MTHFD2L: variants seen among roughly 807,000 people sequenced by gnomAD.
The protein encoded by MTHFD2L is methylenetetrahydrofolate dehydrogenase (NADP+ dependent) 2 like.
Under a neutral mutation model 34.9 loss-of-function variants are expected in MTHFD2L, and 29 were observed. The ratio of observed to expected loss-of-function variants is 0.83; its 90% confidence interval spans 0.62 to 1.13. MTHFD2L has a LOEUF of 1.13. MTHFD2L is among the 50% of genes most tolerant of loss of function. MTHFD2L has a pLI of 0.00. For synonymous variants in MTHFD2L, 167 were observed against 155.7 expected, an observed-to-expected ratio of 1.07 and a Z score of -0.54; for missense variants, 481 against 446.5, an observed-to-expected ratio of 1.08 and a Z score of -0.70.
chr4:74,214,673 G>C (rs1329986675), intron 5 of MTHFD2L, among the ~76,000 whole-genome samples: 1 of 151,830 alleles, frequency 6.6e-6, no homozygotes, highest in Non-Finnish European at 1.5e-5. Flanking sequence ...CTCCCAGTCA[G>C]GAGGCACAGG....
chr4:74,290,646 G>A (rs1748767551), intron 7 of MTHFD2L, among the ~76,000 whole-genome samples: 1 of 152,056 alleles, frequency 6.6e-6, no homozygotes, highest in Non-Finnish European at 1.5e-5. Flanking sequence ...AAGACTGTGT[G>A]TGTGTGTGTG....
intron 6 of MTHFD2L, among the ~76,000 whole-genome samples, chr4:74,251,948 G>T (rs1277977559): frequency 6.6e-6 from 1 of 152,204 alleles, no homozygotes; most frequent in Non-Finnish European, 1.5e-5. Flanking sequence ...AATGAGTTCG[G>T]AACACCCTGA....
At chr4:74,115,856 C>A (rs778214894) in intron 2 of MTHFD2L, among the ~76,000 whole-genome samples, 7 of 152,164 alleles carry the variant, frequency 4.6e-5, no homozygotes, top group Non-Finnish European at 7.3e-5. Context: ...GTTTGTCGTG[C>A]TACTACAGGT....
intron 7 of MTHFD2L, among the ~76,000 whole-genome samples, chr4:74,290,998 CTTTTCTTTTTTTTTTTTTT>C (rs1748840231): frequency 2.2e-5 from 1 of 46,156 alleles, no homozygotes; most frequent in African/African-American, 6.7e-5. Context: ...TTTATTTTTC[CTTTTCTTTTTTTTTTTTTT>C]TTTTTTTTTT....
chr4:74,172,829 G>A (rs1034725068), intron 1 of MTHFD2L, among the ~76,000 whole-genome samples: 2 of 152,142 alleles, frequency 1.3e-5, no homozygotes, highest in African/African-American at 4.8e-5. Flanking sequence ...TGGAAGACTG[G>A]TGCCATGCTA....
intron 7 of MTHFD2L, among the ~76,000 whole-genome samples, chr4:74,297,211 T>G (rs1483714464): frequency 1.3e-5 from 2 of 152,102 alleles, no homozygotes; most frequent in Non-Finnish European, 2.9e-5. Context: ...AGGAACTTAC[T>G]TTAAACATTT....
intron 7 of MTHFD2L, among the ~76,000 whole-genome samples, chr4:74,283,475 G>C (rs1454130165): frequency 6.6e-6 from 1 of 152,064 alleles, no homozygotes; most frequent in Non-Finnish European, 1.5e-5. Flanking sequence ...AGATGGAAAA[G>C]AGACAAAGAT....
rs974475661 is a variant in MTHFD2L, at chr4:74,177,164, G to GA, written c.451+1769dup. Among the ~76,000 whole-genome samples the GA allele has an allele frequency of 2.0e-5, 3 of 151,584 alleles. No homozygotes were observed. The South Asian group carries it at 6.2e-4, about 32-fold the overall frequency. ...ATAGTATCACTTACCTTTAAAACTAGAAAAAAAATTCAACACGTGCAGCAC... is the reference window on the plus strand; with the variant it reads ...ATAGTATCACTTACCTTTAAAACTAGAAAAAAAAATTCAACACGTGCAGCAC... On this transcript the variant is annotated intron_variant, in intron 3 of 7. Transcript: ENST00000325278.
At chr4:74,282,882 C>G (rs1262292687) in intron 7 of MTHFD2L, among the ~76,000 whole-genome samples, 1 of 152,092 alleles carries the variant, frequency 6.6e-6, no homozygotes, top group Admixed American at 6.6e-5. Context: ...ATGCTGAAAT[C>G]ACTAGGGAAT....
intron 6 of MTHFD2L, among the ~76,000 whole-genome samples, chr4:74,275,423 T>C (rs1746486710): frequency 6.6e-6 from 1 of 152,182 alleles, no homozygotes; most frequent in South Asian, 2.1e-4. Flanking sequence ...GCATGTGTCT[T>C]TATGATAGAA....
intron 7 of MTHFD2L, among the ~76,000 whole-genome samples, chr4:74,286,376 T>G (rs1748172332): frequency 6.6e-6 from 1 of 152,190 alleles, no homozygotes; most frequent in South Asian, 2.1e-4. Flanking sequence ...GTATACCTAC[T>G]TTCACAGGCA....
intron 1 of MTHFD2L, among the ~76,000 whole-genome samples, chr4:74,142,080 A>G (rs1244641007): frequency 3.3e-5 from 5 of 152,232 alleles, no homozygotes; most frequent in Non-Finnish European, 1.5e-5. Flanking sequence ...CGATTCTCCT[A>G]TGAAAAACTC....
chr4:74,271,442 T>G (rs59172186), intron 6 of MTHFD2L, among the ~76,000 whole-genome samples: 6,384 of 152,208 alleles, frequency 0.042, 386 homozygotes, highest in African/African-American at 0.14. Flanking sequence ...TTTCCCCATT[T>G]CTTGTTTTTG....
intron 1 of MTHFD2L, among the ~76,000 whole-genome samples, chr4:74,150,255 G>T (rs1345162200): frequency 2.0e-5 from 3 of 152,124 alleles, no homozygotes; most frequent in African/African-American, 7.2e-5. Flanking sequence ...AGTTTTTGTT[G>T]TTGTTGTTTG....
At chr4:74,191,365 T>G (rs547483528) in intron 3 of MTHFD2L, among the ~76,000 whole-genome samples, 9 of 119,230 alleles carry the variant, frequency 7.5e-5, no homozygotes, top group Middle Eastern at 3.9e-3. Context: ...TACCTGGTCG[T>G]TTTTTTTTTT....
intron 1 of MTHFD2L, among the ~76,000 whole-genome samples, chr4:74,170,869 A>G (rs1019222250): frequency 2.6e-5 from 4 of 151,424 alleles, no homozygotes; most frequent in South Asian, 2.1e-4. Flanking sequence ...TCAGCAAACT[A>G]TCGCAAGGAC....
At chr4:74,289,476 A>G (rs564564720) in intron 7 of MTHFD2L, among the ~76,000 whole-genome samples, 1 of 152,324 alleles carries the variant, frequency 6.6e-6, no homozygotes, top group South Asian at 2.1e-4. Context: ...CCCATCTTAT[A>G]GACCAAGGAA....
At chr4:74,122,871 T>C (rs1386028729), upstream of MTHFD2L, among the ~76,000 whole-genome samples, 2 of 152,196 alleles carry the variant, frequency 1.3e-5, no homozygotes, top group Non-Finnish European at 2.9e-5. Context: ...GTTTTGATAG[T>C]TGTATTCTGC....
intron 5 of MTHFD2L, among the ~76,000 whole-genome samples, chr4:74,220,369 A>C (rs1737958977): frequency 6.6e-6 from 1 of 151,974 alleles, no homozygotes; most frequent in Non-Finnish European, 1.5e-5. Flanking sequence ...AACTAAAATA[A>C]AAAAGGCTGC....
Sources: allele counts gnomAD v4.1 joint callset (sites outside exome capture counted in the v4.1 genomes callset), GRCh38; gene constraint gnomAD v4.1.1; transcripts MANE v1.5; gene names NCBI Gene and HGNC (gene_info 2026-07-23, HGNC 2026-07-21).